Variants in RBFOX1 observed in about 807,000 individuals in gnomAD.
RBFOX1 encodes the protein RNA binding fox-1 homolog 1, also known as RNA binding protein fox-1 homolog 1.
In RBFOX1, 8 loss-of-function variants were observed where a neutral mutation model predicts 57.7. The ratio of observed to expected loss-of-function variants is 0.14; its 90% CI spans 0.08 to 0.25. The LOEUF is 0.25. RBFOX1 is among the 10% of genes least tolerant of loss of function. The pLI is 1.00. For synonymous variants in RBFOX1, 326 were observed against 222.4 expected (o/e 1.47, Z -4.15); for missense variants, 611 against 548.5 (o/e 1.11, Z -1.14).
At chr16:7,288,324 T>G (rs1013513020) in intron 4 of RBFOX1, among the ~76,000 whole-genome samples, 1 of 152,150 alleles carries the variant, frequency 6.6e-6, no homozygotes, top group Non-Finnish European at 1.5e-5. Flanking sequence ...TACAATAAAG[T>G]AGAAGATTCA....
chr16:5,290,166 G>A (rs769262569), intron 1 of RBFOX1, among the ~76,000 whole-genome samples: 4 of 152,138 alleles, frequency 2.6e-5, no homozygotes, highest in East Asian at 3.8e-4. Context: ...TCCAGAACAC[G>A]CAAATCTATG....
At chr16:6,945,176 T>G (rs2079254604) in intron 3 of RBFOX1, among the ~76,000 whole-genome samples, 1 of 152,120 alleles carries the variant, frequency 6.6e-6, no homozygotes, top group Non-Finnish European at 1.5e-5. Flanking sequence ...AAAAGGGCTG[T>G]GACCTCAGAC....
At chr16:5,974,392 TG>T (rs2060021126) in intron 4 of RBFOX1, among the ~76,000 whole-genome samples, 3 of 151,952 alleles carry the variant, frequency 2.0e-5, no homozygotes, top group Admixed American at 6.6e-5. Flanking sequence ...GTAGATCATT[TG>T]AGGTCAGGAG....
chr16:7,078,846 C>A (rs1414999312), intron 4 of RBFOX1, among the ~76,000 whole-genome samples: 1 of 114,300 alleles, frequency 8.7e-6, no homozygotes, highest in Non-Finnish European at 1.8e-5. Flanking sequence ...CCACGCCCAG[C>A]TAATTTATAT....
chr16:5,804,246 A>G (rs193049328), intron 3 of RBFOX1, among the ~76,000 whole-genome samples: 14 of 152,324 alleles, frequency 9.2e-5, no homozygotes, highest in Middle Eastern at 6.8e-3. Flanking sequence ...TAATGGATGA[A>G]TTGTTGGATA....
chr16:6,150,686 C>T (rs1292078020), intron 1 of RBFOX1, among the ~76,000 whole-genome samples: 1 of 152,152 alleles, frequency 6.6e-6, no homozygotes, highest in East Asian at 1.9e-4. Context: ...ATGATCTTTT[C>T]CCTTCCTCTT....
intron 3 of RBFOX1, among the ~76,000 whole-genome samples, chr16:6,826,514 A>AG (rs1480777098): frequency 6.6e-6 from 1 of 152,202 alleles, no homozygotes; most frequent in Non-Finnish European, 1.5e-5. Flanking sequence ...TAAGCGTTCC[A>AG]TAAGTGGCAG....
At position 7,589,957 on chromosome 16, in the gene RBFOX1, G is replaced by A. The variant is rs143373358; in HGVS notation, c.468+2657G>A. ...TGTGTGTGTGTGTGTGTGTGTATGC[G>A]GACATATAAACCCATATGTACTTAA... On this transcript the variant is annotated intron_variant, in intron 7 of 15. Coordinates refer to ENST00000550418, the MANE Select transcript of RBFOX1 (RefSeq NM_018723.4). 5.0e-4 allele frequency among the ~76,000 whole-genome samples: 74 copies of A among 148,238 alleles called. No individual in the cohort carries two copies. In the East Asian group the frequency reaches 0.013, roughly 26 times the overall value.
intron 3 of RBFOX1, among the ~76,000 whole-genome samples, chr16:5,845,717 G>C (rs2056739430): frequency 6.6e-6 from 1 of 152,188 alleles, no homozygotes; most frequent in Non-Finnish European, 1.5e-5. Flanking sequence ...AATAACACTG[G>C]ATACATTTAT....
chr16:5,933,553 A>G (rs2059110926), intron 4 of RBFOX1, among the ~76,000 whole-genome samples: 1 of 152,206 alleles, frequency 6.6e-6, no homozygotes, highest in African/African-American at 2.4e-5. Flanking sequence ...CTTAGGAACA[A>G]TCACACAGAA....
At chr16:6,089,847 C>T (rs1427933330) in intron 1 of RBFOX1, among the ~76,000 whole-genome samples, 1 of 152,168 alleles carries the variant, frequency 6.6e-6, no homozygotes, top group Non-Finnish European at 1.5e-5. Flanking sequence ...GTCATTGAAT[C>T]CTCTTAAGAA....
rs189661470 is a variant in RBFOX1 at position 6,532,593 on chromosome 16, G to T, written c.-63-122010G>T. On this transcript the variant is annotated intron_variant, in intron 2 of 15. Transcript: ENST00000550418. ...CCCCTTCATGGAGATCATTCCTGCA[G>T]AGCGGTAGTCCAGTTTGCTCTACTT... Among the ~76,000 whole-genome samples, 60 of 152,228 alleles carry T rather than the reference G, an allele frequency of 3.9e-4. No individual in the cohort carries two copies. In the East Asian group the frequency reaches 9.3e-3, roughly 24 times the overall value.
chr16:5,261,205 C>G (rs892917525), intron 1 of RBFOX1, among the ~76,000 whole-genome samples: 1 of 152,176 alleles, frequency 6.6e-6, no homozygotes, highest in Non-Finnish European at 1.5e-5. Context: ...CTAGTTATTT[C>G]TAGGTTGTTT....
chr16:7,703,711 C>G (rs1275183623), intron 14 of RBFOX1, among the ~76,000 whole-genome samples: 1 of 152,166 alleles, frequency 6.6e-6, no homozygotes, highest in African/African-American at 2.4e-5. Flanking sequence ...TGATAAAGCA[C>G]TTTAACAAAC....
At chr16:6,025,600 A>G (rs2152372169) in intron 1 of RBFOX1, among the ~76,000 whole-genome samples, 1 of 152,234 alleles carries the variant, frequency 6.6e-6, no homozygotes, top group South Asian at 2.1e-4. Context: ...GAACAGTTGC[A>G]CTCAGATGCC....
At chr16:7,258,492 A>T (rs2094787270) in intron 4 of RBFOX1, among the ~76,000 whole-genome samples, 2 of 151,748 alleles carry the variant, frequency 1.3e-5, no homozygotes, top group Admixed American at 6.6e-5. Flanking sequence ...TCAAGGGGGG[A>T]GGCGAATTAC....
chr16:6,132,086 C>T (rs1402108195), intron 1 of RBFOX1, among the ~76,000 whole-genome samples: 5 of 152,114 alleles, frequency 3.3e-5, no homozygotes, highest in South Asian at 4.2e-4. Context: ...CACAAAGGAG[C>T]GAGATCTACT....
At chr16:7,084,733 C>T (rs1441355670) in intron 4 of RBFOX1, among the ~76,000 whole-genome samples, 1 of 152,206 alleles carries the variant, frequency 6.6e-6, no homozygotes, top group African/African-American at 2.4e-5. Context: ...TGACCTGTAA[C>T]TCTCATTGCA....
intron 3 of RBFOX1, among the ~76,000 whole-genome samples, chr16:5,851,648 A>T (rs961258846): frequency 6.6e-6 from 1 of 152,232 alleles, no homozygotes; most frequent in Non-Finnish European, 1.5e-5. Flanking sequence ...ATGGCGAAAC[A>T]TAAATTATGT....
Sources: allele counts gnomAD v4.1 joint callset (sites outside exome capture counted in the v4.1 genomes callset), GRCh38; gene constraint gnomAD v4.1.1; transcripts MANE v1.5; gene names NCBI Gene and HGNC (gene_info 2026-07-23, HGNC 2026-07-21).